Variants in SNTG1 observed in about 807,000 individuals in gnomAD.
The protein encoded by SNTG1 is syntrophin gamma 1, also known as gamma-1-syntrophin.
A neutral mutation model predicts 74.7 loss-of-function variants in SNTG1; 39 were observed. The ratio of observed to expected loss-of-function variants is 0.52; its 90% CI spans 0.40 to 0.68. SNTG1 has a LOEUF of 0.68. Ranked by LOEUF, SNTG1 falls within the 30% of genes least tolerant of loss-of-function variation. SNTG1 has a pLI of 0.00. For missense variants in SNTG1, 685 were observed against 609.5 expected, an observed-to-expected ratio of 1.12 and a Z score of -1.30; for synonymous variants, 254 against 217.1, an observed-to-expected ratio of 1.17 and a Z score of -1.49.
intron 11 of SNTG1, among the ~76,000 whole-genome samples, chr8:50,538,236 T>C (rs2094321341): frequency 6.6e-6 from 1 of 152,128 alleles, no homozygotes; most frequent in African/African-American, 2.4e-5. Context: ...TTCCTATATA[T>C]ACATCAAACA....
chr8:50,109,414 T>A (rs956063359), intron 1 of SNTG1, among the ~76,000 whole-genome samples: 1 of 151,974 alleles, frequency 6.6e-6, no homozygotes, highest in South Asian at 2.1e-4. Flanking sequence ...ATGCCAGGAG[T>A]CTAAGTCCAG....
At chr8:50,582,207 G>T (rs1585751590) in intron 12 of SNTG1, among the ~76,000 whole-genome samples, 1 of 152,148 alleles carries the variant, frequency 6.6e-6, no homozygotes, top group Non-Finnish European at 1.5e-5. Flanking sequence ...TCAAGGCAAA[G>T]TTAAACTTCA....
At chr8:49,941,952 A>G (rs979444888) in intron 1 of SNTG1, among the ~76,000 whole-genome samples, 1 of 152,232 alleles carries the variant, frequency 6.6e-6, no homozygotes, top group African/African-American at 2.4e-5. Flanking sequence ...AAGTGTTCAG[A>G]CATATGTTGG....
At chr8:50,648,613 A>G (rs1012336536) in intron 13 of SNTG1, among the ~76,000 whole-genome samples, 4 of 152,170 alleles carry the variant, frequency 2.6e-5, no homozygotes, top group African/African-American at 9.6e-5. Context: ...AAAACTCTAC[A>G]TTATTTGAAT....
chr8:50,051,524 C>T (rs192765793), intron 1 of SNTG1, among the ~76,000 whole-genome samples: 2 of 152,080 alleles, frequency 1.3e-5, no homozygotes, highest in East Asian at 3.9e-4. Flanking sequence ...TTAAAATAAC[C>T]AAAATTTATT....
rs1586979240 is a variant in SNTG1 at position 50,291,227 on chromosome 8, G to C, written c.-27-102985G>C. ...CAGACTTATGTGTTTATATATAAGAGAGAGAGACAGACATATGTGTGTGTG... is the reference window on the plus strand; with the variant it reads ...CAGACTTATGTGTTTATATATAAGACAGAGAGACAGACATATGTGTGTGTG... On this transcript the variant is annotated intron_variant, in intron 2 of 18. Transcript: ENST00000642720. 2.4e-5 allele frequency among the ~76,000 whole-genome samples: 3 copies of C among 126,012 alleles called. No homozygotes were observed. In the South Asian group the frequency reaches 8.1e-4, roughly 34 times the overall value. 82.7% of individuals were successfully genotyped at this position (126,012 alleles called of 152,430 possible). A position where few individuals can be genotyped will look rare whatever the true frequency, so the allele number is the denominator to read the frequency against.
At chr8:50,252,804 A>G (rs1053857075) in intron 2 of SNTG1, among the ~76,000 whole-genome samples, 4 of 152,222 alleles carry the variant, frequency 2.6e-5, no homozygotes, top group Non-Finnish European at 4.4e-5. Context: ...ACCAGGCCCT[A>G]CGTCCAACAT....
chr8:50,425,838 C>T (rs1191169612), intron 4 of SNTG1, among the ~76,000 whole-genome samples: 1 of 152,068 alleles, frequency 6.6e-6, no homozygotes, highest in Admixed American at 6.6e-5. Context: ...TTAGGAGATG[C>T]AATGAGGTGC....
At chr8:50,233,297 A>C (rs1448303251) in intron 2 of SNTG1, among the ~76,000 whole-genome samples, 1 of 151,670 alleles carries the variant, frequency 6.6e-6, no homozygotes, top group Admixed American at 6.6e-5. Context: ...TTCAAAAGCA[A>C]TTAAATGGAG....
At chr8:50,522,944 C>T (rs2130189979) in intron 9 of SNTG1, among the ~76,000 whole-genome samples, 1 of 152,254 alleles carries the variant, frequency 6.6e-6, no homozygotes, top group Middle Eastern at 3.4e-3. Flanking sequence ...TTAATGGATA[C>T]ATCAAAAATC....
At chr8:50,075,474 A>T (rs956005744) in intron 1 of SNTG1, among the ~76,000 whole-genome samples, 2 of 152,166 alleles carry the variant, frequency 1.3e-5, no homozygotes, top group African/African-American at 4.8e-5. Flanking sequence ...TTTGTGTCTA[A>T]CTCAGGGATT....
intron 1 of SNTG1, among the ~76,000 whole-genome samples, chr8:50,135,101 G>A (rs188999979): frequency 7.9e-5 from 12 of 152,124 alleles, no homozygotes; most frequent in Admixed American, 2.0e-4. Context: ...GCACAGCTGC[G>A]TGCTGCAGTC....
intron 13 of SNTG1, 131 bp from the exon 14 acceptor site, chr8:50,656,778 T>G: frequency 1.6e-6 from 1 of 621,352 alleles, no homozygotes. Flanking sequence ...AATTTGATAA[T>G]TTTATGTGAG....
chr8:50,037,252 GT>G (rs1379119259), intron 1 of SNTG1, among the ~76,000 whole-genome samples: 2 of 152,192 alleles, frequency 1.3e-5, no homozygotes, highest in African/African-American at 2.4e-5. Context: ...TATCTTAAAG[GT>G]TTTTTGCTGA....
At chr8:50,347,792 T>C (rs2091525652) in intron 2 of SNTG1, among the ~76,000 whole-genome samples, 1 of 152,230 alleles carries the variant, frequency 6.6e-6, no homozygotes, top group South Asian at 2.1e-4. Flanking sequence ...TATGAGTCTT[T>C]CAAGGAACTT....
At chr8:50,568,984 T>G (rs2094531727) in intron 12 of SNTG1, 2 of 152,196 alleles carry the variant, frequency 1.3e-5, no homozygotes, top group African/African-American at 4.8e-5. Context: ...GGAAGAGGGA[T>G]GAGTAGAATC....
chr8:50,325,406 A>T (rs1252438627), intron 2 of SNTG1, among the ~76,000 whole-genome samples: 3 of 152,058 alleles, frequency 2.0e-5, no homozygotes. Flanking sequence ...CAAGTTTCAT[A>T]GTTTTTCTAA....
chr8:50,164,701 T>G (rs2082551963), intron 1 of SNTG1, among the ~76,000 whole-genome samples: 1 of 152,170 alleles, frequency 6.6e-6, no homozygotes, highest in Admixed American at 6.5e-5. Flanking sequence ...CACTCAAATA[T>G]GTAGTGAATG....
intron 11 of SNTG1, among the ~76,000 whole-genome samples, chr8:50,552,772 T>A (rs1400848205): frequency 6.6e-6 from 1 of 152,196 alleles, no homozygotes; most frequent in African/African-American, 2.4e-5. Context: ...TCTTAGATTC[T>A]CTTTTATCTA....
Sources: gnomAD v4.1 joint callset for allele counts (sites outside exome capture counted in the v4.1 genomes callset) on GRCh38, gnomAD v4.1.1 for gene constraint, MANE v1.5 for transcripts, NCBI Gene and HGNC (gene_info 2026-07-23, HGNC 2026-07-21) for gene names.